The following TENM2 variants were observed in gnomAD, a reference collection of about 807,000 sequenced individuals.
The protein encoded by TENM2 is teneurin-2.
A neutral mutation model predicts 245.2 loss-of-function variants in TENM2; 52 were observed. The observed-to-expected ratio is 0.21, with a 90% CI of 0.17 to 0.27. The LOEUF is 0.27. Ranked by LOEUF, TENM2 falls within the 10% of genes least tolerant of loss-of-function variation. The pLI is 1.00. For synonymous variants in TENM2, 1,363 were observed against 1,438.9 expected (o/e 0.95, Z 1.19); for missense variants, 3,046 against 3,666.8 (o/e 0.83, Z 4.37).
chr5:167,838,511 A>AC (rs1769209678), intron 2 of TENM2, among the ~76,000 whole-genome samples: 1 of 151,784 alleles, frequency 6.6e-6, no homozygotes, highest in Non-Finnish European at 1.5e-5. Flanking sequence ...TCTGCTTGGA[A>AC]CTCTGAGGGT....
At chr5:167,245,831 C>A in the TENM2 span, among the ~76,000 whole-genome samples, 1 of 152,076 alleles carries the variant, frequency 6.6e-6, no homozygotes, top group Non-Finnish European at 1.5e-5. Flanking sequence ...TTCTTTCTAA[C>A]TGGAGGTAGA....
chr5:168,123,134 A>AG (rs35598987), intron 10 of TENM2, among the ~76,000 whole-genome samples: 45,583 of 140,672 alleles, frequency 0.32, 7,299 homozygotes, highest in East Asian at 0.62. Flanking sequence ...CCATTTCTAG[A>AG]GAAAAAAAAA....
intron 9 of TENM2, among the ~76,000 whole-genome samples, chr5:168,105,052 T>TTTGAATGCC (rs1393803851): frequency 6.6e-6 from 1 of 152,198 alleles, no homozygotes; most frequent in African/African-American, 2.4e-5. Context: ...TGATACGGAC[T>TTTGAATGCC]TTGAATGCCA....
the TENM2 span, among the ~76,000 whole-genome samples, chr5:167,138,810 A>G: frequency 6.6e-6 from 1 of 151,974 alleles, no homozygotes; most frequent in Non-Finnish European, 1.5e-5. Flanking sequence ...TTTAGTAGAG[A>G]CAGCGTTTCA....
intron 13 of TENM2, among the ~76,000 whole-genome samples, chr5:168,185,886 C>A (rs1014396392): frequency 3.7e-5 from 5 of 136,368 alleles, no homozygotes; most frequent in African/African-American, 1.3e-4. Flanking sequence ...AGTTATAGTT[C>A]ATTGGACATA....
At chr5:167,232,870 C>T in the TENM2 span, among the ~76,000 whole-genome samples, 5 of 152,150 alleles carry the variant, frequency 3.3e-5, no homozygotes, top group Non-Finnish European at 7.3e-5. Context: ...AATTGAATAA[C>T]GGCTGTCCTT....
chr5:168,228,129 G>A (rs1167866228), exon 25 of TENM2: 1 of 1,571,670 alleles, frequency 6.4e-7, no homozygotes, highest in Admixed American at 1.8e-5. Flanking sequence ...AGGAAGCTCC[G>A]GGTAAGTGGT....
At chr5:167,349,190 C>T (rs1758661000) in intron 1 of TENM2, among the ~76,000 whole-genome samples, 1 of 152,190 alleles carries the variant, frequency 6.6e-6, no homozygotes, top group African/African-American at 2.4e-5. Context: ...CCTTCAGCTC[C>T]GGGCATCAAC....
intron 2 of TENM2, among the ~76,000 whole-genome samples, chr5:167,445,369 A>AGAGAGAGAGAGAGAGAGAGTGAGAGT (rs35699708): frequency 1.0e-5 from 1 of 98,576 alleles, no homozygotes; most frequent in Non-Finnish European, 1.9e-5. Flanking sequence ...AGAGAGAGAG[A>AGAGAGAGAGAGAGAGAGAGTGAGAGT]GTGTCAGGTG....
chr5:167,553,081 C>T (rs1773060778), intron 2 of TENM2, among the ~76,000 whole-genome samples: 1 of 152,178 alleles, frequency 6.6e-6, no homozygotes, highest in Non-Finnish European at 1.5e-5. Context: ...AGACATGGTT[C>T]TAGAGGACAC....
Position 168,167,548 on chromosome 5 carries a change from G to A in TENM2, c.2569+4791G>A, listed in dbSNP as rs569811929. Among the ~76,000 whole-genome samples the A allele has an allele frequency of 2.0e-5, 3 of 152,308 alleles. No homozygotes were observed. In the South Asian group the frequency reaches 6.2e-4, roughly 32 times the overall value. On this transcript the variant is annotated intron_variant, in intron 13 of 28. Transcript: ENST00000518659. ...TGATGTCATAACCACATCACCTGGAGGTAGGGTAGGAGGAAGCCTTTTTAG... is the reference window on the plus strand; with the variant it reads ...TGATGTCATAACCACATCACCTGGAAGTAGGGTAGGAGGAAGCCTTTTTAG...
intron 13 of TENM2, among the ~76,000 whole-genome samples, chr5:168,181,429 C>T (rs936075499): frequency 1.7e-4 from 26 of 152,174 alleles, no homozygotes; most frequent in African/African-American, 5.8e-4. Context: ...TTTTTTCCCA[C>T]ATCCATCCTA....
At chr5:168,051,597 T>C (rs1285825704) in intron 6 of TENM2, among the ~76,000 whole-genome samples, 1 of 152,218 alleles carries the variant, frequency 6.6e-6, no homozygotes, top group Non-Finnish European at 1.5e-5. Context: ...TCTTCCTACT[T>C]GACCAAGCCC....
chr5:167,040,913 T>G, the TENM2 span, among the ~76,000 whole-genome samples: 17 of 152,168 alleles, frequency 1.1e-4, no homozygotes, highest in African/African-American at 3.9e-4. Flanking sequence ...ATAAGCCTAT[T>G]AAGAGAATCG....
At chr5:167,269,517 A>C in the TENM2 span, among the ~76,000 whole-genome samples, 1 of 140,234 alleles carries the variant, frequency 7.1e-6, no homozygotes, top group African/African-American at 2.6e-5. Context: ...ATAATAGTAA[A>C]ATAGTAGAAA....
At chr5:167,996,253 G>A (rs1319381425) in intron 5 of TENM2, among the ~76,000 whole-genome samples, 4 of 152,042 alleles carry the variant, frequency 2.6e-5, no homozygotes, top group Non-Finnish European at 5.9e-5. Context: ...AGGTCTTTAC[G>A]AGCTCAGCAG....
At chr5:167,240,284 G>A in the TENM2 span, among the ~76,000 whole-genome samples, 1 of 151,084 alleles carries the variant, frequency 6.6e-6, no homozygotes, top group Non-Finnish European at 1.5e-5. Flanking sequence ...CTGTTTGTCC[G>A]TGTTTATACT....
At chr5:167,488,559 C>T (rs1408683102) in intron 2 of TENM2, among the ~76,000 whole-genome samples, 5 of 152,112 alleles carry the variant, frequency 3.3e-5, no homozygotes, top group Admixed American at 2.0e-4. Flanking sequence ...TCTTCAGTCT[C>T]CTTTGCTATT....
the TENM2 span, among the ~76,000 whole-genome samples, chr5:167,100,421 C>T: frequency 1.2e-4 from 18 of 152,134 alleles, no homozygotes; most frequent in African/African-American, 3.6e-4. Flanking sequence ...TCAGTTACCA[C>T]GTGTTTGTTG....
Sources: gnomAD v4.1 joint callset for allele counts (sites outside exome capture counted in the v4.1 genomes callset) on GRCh38, gnomAD v4.1.1 for gene constraint, MANE v1.5 for transcripts, NCBI Gene and HGNC (gene_info 2026-07-23, HGNC 2026-07-21) for gene names.